Variants in STX12 observed in about 807,000 individuals in gnomAD.
STX12 encodes the protein syntaxin 12.
STX12 carries 17 observed loss-of-function variants against 42.2 expected under a neutral mutation model. The observed-to-expected ratio is 0.40, with a 90% confidence interval of 0.28 to 0.60. The LOEUF is 0.60. STX12 is among the 20% of genes least tolerant of loss of function. The pLI is 0.39. For missense variants in STX12, 297 were observed against 330.9 expected (o/e 0.90, Z 0.79); for synonymous variants, 108 against 116.7 (o/e 0.93, Z 0.48).
chr1:27,785,246 T>G (rs568264714), intron 1 of STX12, among the ~76,000 whole-genome samples: 3 of 152,206 alleles, frequency 2.0e-5, no homozygotes, highest in Admixed American at 2.0e-4. Flanking sequence ...TCTGGATGGG[T>G]GTGTGTGTGT....
chr1:27,821,658 C>T (rs1246602431), intron 8 of STX12, among the ~76,000 whole-genome samples: 1 of 151,936 alleles, frequency 6.6e-6, no homozygotes, highest in Non-Finnish European at 1.5e-5. Flanking sequence ...CAAATAATGC[C>T]TGGCAGCACA....
chr1:27,805,959 A>G (rs1231571604), intron 4 of STX12, among the ~76,000 whole-genome samples: 1 of 152,204 alleles, frequency 6.6e-6, no homozygotes, highest in Non-Finnish European at 1.5e-5. Context: ...GTTGGTCTAT[A>G]TTATACTTTG....
intron 1 of STX12, 34 bp from the exon 2 acceptor site, chr1:27,789,527 CT>C: frequency 6.4e-7 from 1 of 1,561,236 alleles, no homozygotes; most frequent in Non-Finnish European, 8.7e-7. Flanking sequence ...ATGTATTTTT[CT>C]TTTAAATAAA....
At chr1:27,821,863 C>G (rs938234442) in intron 8 of STX12, among the ~76,000 whole-genome samples, 1 of 152,066 alleles carries the variant, frequency 6.6e-6, no homozygotes, top group Non-Finnish European at 1.5e-5. Flanking sequence ...ACTAAAAATA[C>G]AAAAACTAGC....
At chr1:27,813,459 A>C (rs937124373) in intron 6 of STX12, among the ~76,000 whole-genome samples, 1 of 152,308 alleles carries the variant, frequency 6.6e-6, no homozygotes. Context: ...TACTGGCATG[A>C]ACCACTGTGC....
chr1:27,813,592 G>A (rs1378099410), intron 6 of STX12, among the ~76,000 whole-genome samples: 1 of 152,164 alleles, frequency 6.6e-6, no homozygotes, highest in Admixed American at 6.5e-5. Context: ...CTCTTCCTTG[G>A]CCTCCATCTG....
chr1:27,778,603 A>G (rs939407154), intron 1 of STX12, among the ~76,000 whole-genome samples: 4 of 152,006 alleles, frequency 2.6e-5, no homozygotes, highest in Non-Finnish European at 5.9e-5. Context: ...AGGTAGGAGA[A>G]TCGCCTGAAC....
chr1:27,810,477 G>A (rs1444491279), intron 5 of STX12, among the ~76,000 whole-genome samples, 188 bp downstream of exon 5: 5 of 152,148 alleles, frequency 3.3e-5, no homozygotes, highest in Admixed American at 2.6e-4. Flanking sequence ...TTGAGTTATT[G>A]GAAGGAGTAA....
chr1:27,796,738 T>C (rs1490228442), intron 3 of STX12, among the ~76,000 whole-genome samples: 2 of 151,320 alleles, frequency 1.3e-5, no homozygotes, highest in Admixed American at 6.6e-5. Flanking sequence ...GTTTCGCTCT[T>C]GTTGCCCAGG....
At chr1:27,779,736 C>A (rs1422272862) in intron 1 of STX12, among the ~76,000 whole-genome samples, 1 of 151,958 alleles carries the variant, frequency 6.6e-6, no homozygotes, top group Non-Finnish European at 1.5e-5. Context: ...AGGCTATTTT[C>A]TTTATGTTTC....
intron 1 of STX12, among the ~76,000 whole-genome samples, chr1:27,786,168 C>G (rs975616542): frequency 3.3e-5 from 5 of 152,150 alleles, no homozygotes; most frequent in African/African-American, 1.2e-4. Flanking sequence ...TTGCAAGGCC[C>G]TATACAATCT....
At chr1:27,789,059 G>A (rs1406161677) in intron 1 of STX12, among the ~76,000 whole-genome samples, 3 of 152,112 alleles carry the variant, frequency 2.0e-5, no homozygotes, top group African/African-American at 7.2e-5. Flanking sequence ...GGAGATTGCT[G>A]TTGTGAAAAT....
At chr1:27,780,597 G>A (rs1273870448) in intron 1 of STX12, among the ~76,000 whole-genome samples, 1 of 152,042 alleles carries the variant, frequency 6.6e-6, no homozygotes, top group Non-Finnish European at 1.5e-5. Context: ...TATTAACCTC[G>A]AGCAGGTTAT....
chr1:27,821,520 A>G (rs1216975654), intron 8 of STX12, among the ~76,000 whole-genome samples: 2 of 151,892 alleles, frequency 1.3e-5, no homozygotes, highest in African/African-American at 2.4e-5. Context: ...TGTTGACGGT[A>G]TTATCTATGG....
chr1:27,807,747 A>C (rs761215872), intron 4 of STX12, among the ~76,000 whole-genome samples: 7 of 152,254 alleles, frequency 4.6e-5, no homozygotes, highest in Non-Finnish European at 7.3e-5. Flanking sequence ...TGTGCATAGC[A>C]GCATTGTTTG....
In STX12 at chr1:27,775,239, C is replaced by G. The variant is rs553786767; in HGVS notation, c.118+1814C>G. ...TATATATATAAAACCAGAATACTCC[C>G]AAAGGTAGATCCGACATACAGTTTT... On this transcript the variant is annotated intron_variant, in intron 1 of 8. Coordinates refer to ENST00000373943, the MANE Select transcript of STX12 (RefSeq NM_177424.3). Among the ~76,000 whole-genome samples, 12 of 152,198 alleles carry G rather than the reference C, an allele frequency of 7.9e-5. No individual in the cohort carries two copies. In the South Asian group the frequency reaches 2.3e-3, roughly 29 times the overall value.
At chr1:27,776,969 G>A (rs1445217142) in intron 1 of STX12, among the ~76,000 whole-genome samples, 3 of 152,086 alleles carry the variant, frequency 2.0e-5, no homozygotes, top group Admixed American at 2.0e-4. Context: ...CCAAACATAT[G>A]AAAGATTCAT....
chr1:27,793,387 T>C, intron 2 of STX12, 146 bp from the exon 3 acceptor site: 1 of 623,242 alleles, frequency 1.6e-6, no homozygotes, highest in South Asian at 2.1e-5. Context: ...TTCTGGAATT[T>C]TGTTGTGAAC....
intron 1 of STX12, among the ~76,000 whole-genome samples, chr1:27,777,480 T>G (rs35212233): frequency 0.045 from 6,896 of 152,226 alleles, 525 homozygotes; most frequent in African/African-American, 0.16. Context: ...ATAAATTGTA[T>G]CAAATTGATT....
Sources: gnomAD v4.1 joint callset for allele counts (sites outside exome capture counted in the v4.1 genomes callset) on GRCh38, gnomAD v4.1.1 for gene constraint, MANE v1.5 for transcripts, NCBI Gene and HGNC (gene_info 2026-07-23, HGNC 2026-07-21) for gene names.